The following ANKRD26 variants were observed in gnomAD, a reference collection of about 807,000 sequenced individuals.
ANKRD26 encodes ankyrin repeat domain-containing protein 26.
A neutral mutation model predicts 208.7 loss-of-function variants in ANKRD26; 141 were observed. The ratio of observed to expected loss-of-function variants is 0.68; its 90% confidence interval spans 0.59 to 0.78. The LOEUF is 0.78. Among genes scored for constraint, ANKRD26 ranks in the 30% least tolerant of loss-of-function variants. The pLI, the probability that ANKRD26 is intolerant of heterozygous loss-of-function variation, is 0.00. For missense variants in ANKRD26, 1,889 were observed against 1,938.7 expected (o/e 0.97, Z 0.48); for synonymous variants, 636 against 660.4 (o/e 0.96, Z 0.57).
chr10:27,039,257 G>C (rs1284460941), intron 21 of ANKRD26, among the ~76,000 whole-genome samples: 2 of 152,034 alleles, frequency 1.3e-5, no homozygotes, highest in Non-Finnish European at 2.9e-5. Flanking sequence ...TTCAAGACCA[G>C]CCTGGCCAAC....
At chr10:26,949,011 TA>T in the ANKRD26 span, among the ~76,000 whole-genome samples, 1 of 152,178 alleles carries the variant, frequency 6.6e-6, no homozygotes, top group South Asian at 2.1e-4. Context: ...AATGCATTAT[TA>T]AATACTGATC....
rs2055743444 is a variant in ANKRD26 at position 27,077,520 on chromosome 10, C to T, written c.895G>A (p.Val299Met). The change falls in exon 9 of 34, where the codon GTG becomes ATG. Residue 299 changes from valine to methionine, a missense_variant. By Grantham distance (21) the Val-to-Met change is conservative. Around this residue, in one of 3 missense-constraint regions of ANKRD26, gnomAD observed 1,272 missense variants for 1,273.8 expected, o/e 1.00. Transcript: ENST00000376087. ...RKNLEATYGT[V>M]RTGNRTLFED... ...AACAAAGTTCTATTTCCTGTTCTCACAGTGCCATATGTTGCTTCTACTACA... is the reference window on the plus strand; with the variant it reads ...AACAAAGTTCTATTTCCTGTTCTCATAGTGCCATATGTTGCTTCTACTACA... The T allele has an allele frequency of 6.2e-7, 1 of 1,613,962 alleles. No individual in the cohort carries two copies. The highest frequency in any genetic ancestry group is 8.5e-7 in the Non-Finnish European group (1 of 1,179,936).
intron 25 of ANKRD26, among the ~76,000 whole-genome samples, chr10:27,032,424 T>C (rs1198065446): frequency 6.6e-6 from 1 of 151,746 alleles, no homozygotes; most frequent in South Asian, 2.1e-4. Flanking sequence ...CACCTGAGGT[T>C]AGGAGTTTGA....
At chr10:26,987,804 G>A (rs893000549), downstream of ANKRD26, among the ~76,000 whole-genome samples, 3 of 152,102 alleles carry the variant, frequency 2.0e-5, no homozygotes, top group East Asian at 5.8e-4. Flanking sequence ...AAGAGAATGC[G>A]GTACATAAAT....
At chr10:26,956,763 G>A in the ANKRD26 span, among the ~76,000 whole-genome samples, 1 of 152,114 alleles carries the variant, frequency 6.6e-6, no homozygotes, top group Middle Eastern at 3.2e-3. Flanking sequence ...CTGGCTCACC[G>A]ATATGGAGGC....
At chr10:27,008,172 C>A (rs2052958300) in intron 32 of ANKRD26, among the ~76,000 whole-genome samples, 1 of 151,940 alleles carries the variant, frequency 6.6e-6, no homozygotes. Flanking sequence ...TGAAATAGTA[C>A]ACTATATAGT....
Position 27,039,973 on chromosome 10 carries a change from G to C in ANKRD26, c.2367C>G (p.Cys789Trp), listed in dbSNP as rs376238364. Residue 789 changes from cysteine (C) to tryptophan (W), a missense_variant, in exon 21 of 34, where the codon TGC becomes TGG. Cys to Trp is a radical substitution (Grantham distance 215). Coordinates refer to ENST00000376087, the MANE Select transcript of ANKRD26 (RefSeq NM_014915.3). ...HQKVEWEREL[C>W]SLRFSLNQEE... ...AAACTAGGCTATCATACCTCAAAGA[G>C]CACAGTTCTCGTTCCCATTCAACTT... The C allele has an allele frequency of 3.1e-6, 5 of 1,612,962 alleles. No individual in the cohort carries two copies. Among genetic ancestry groups the C allele is most frequent in the Non-Finnish European group, 4.2e-6 (5 of 1,179,450 alleles).
At chr10:26,969,420 A>G (rs1462489268), downstream of ANKRD26, among the ~76,000 whole-genome samples, 1 of 152,208 alleles carries the variant, frequency 6.6e-6, no homozygotes, top group Non-Finnish European at 1.5e-5. Flanking sequence ...AGCCACACAC[A>G]TCAAAACCAT....
At chr10:27,022,439 T>A in intron 29 of ANKRD26, 119 bp downstream of exon 29, 1 of 771,166 alleles carries the variant, frequency 1.3e-6, no homozygotes, top group Non-Finnish European at 2.0e-6. Context: ...GTTTTTTTAT[T>A]AGTATCAAGT....
the ANKRD26 span, among the ~76,000 whole-genome samples, chr10:26,966,733 C>A: frequency 1.3e-5 from 2 of 152,142 alleles, no homozygotes; most frequent in Non-Finnish European, 2.9e-5. Context: ...GATGAGCATG[C>A]AGAATCTATA....
chr10:27,082,662 A>C, intron 6 of ANKRD26, 141 bp downstream of exon 6: 1 of 1,249,202 alleles, frequency 8.0e-7, no homozygotes, highest in South Asian at 1.6e-5. Flanking sequence ...GGGTTGTAAT[A>C]TAGCACAGAT....
At chr10:27,025,657 AC>A (rs1334664761) in intron 27 of ANKRD26, among the ~76,000 whole-genome samples, 1 of 151,814 alleles carries the variant, frequency 6.6e-6, no homozygotes, top group Non-Finnish European at 1.5e-5. Flanking sequence ...CAGTGACCAT[AC>A]CCTCCCCTAG....
At chr10:26,958,612 C>T in the ANKRD26 span, among the ~76,000 whole-genome samples, 2 of 152,190 alleles carry the variant, frequency 1.3e-5, no homozygotes, top group Non-Finnish European at 2.9e-5. Context: ...TGGCTTCCAA[C>T]TCCATCCATG....
At chr10:26,949,324 AC>A in the ANKRD26 span, among the ~76,000 whole-genome samples, 3 of 152,064 alleles carry the variant, frequency 2.0e-5, no homozygotes, top group Non-Finnish European at 2.9e-5. Context: ...CATTTCCTCT[AC>A]AAATATTTGT....
chr10:27,081,502 C>T (rs1430678925), intron 6 of ANKRD26, among the ~76,000 whole-genome samples: 1 of 152,134 alleles, frequency 6.6e-6, no homozygotes, highest in Non-Finnish European at 1.5e-5. Context: ...AATAAATCCC[C>T]TTAATCTCTT....
downstream of ANKRD26, among the ~76,000 whole-genome samples, chr10:26,991,248 A>T (rs552451142): frequency 6.6e-5 from 10 of 152,246 alleles, no homozygotes; most frequent in East Asian, 1.9e-3. Flanking sequence ...GGCCACCTTC[A>T]TTCAGGAATC....
At chr10:27,032,888 G>A (rs553486963) in intron 25 of ANKRD26, among the ~76,000 whole-genome samples, 10 of 151,006 alleles carry the variant, frequency 6.6e-5, no homozygotes, top group Admixed American at 4.0e-4. Flanking sequence ...TGGCTAACAC[G>A]GTGAAACCTC....
chr10:26,996,224 A>G (rs1195672353), intron 4 of ANKRD26, among the ~76,000 whole-genome samples: 1 of 152,178 alleles, frequency 6.6e-6, no homozygotes, highest in African/African-American at 2.4e-5. Context: ...AGAAGAGAGA[A>G]TATCTTGAGA....
Position 27,017,442 on chromosome 10 carries a change from T to C in ANKRD26, c.4506+60A>G, listed in dbSNP as rs1005882261. ...GGATGTAGAGGAAACACATATAATGTATATATCCAAAATACAATTTGCAGT... is the reference window on the plus strand; with the variant it reads ...GGATGTAGAGGAAACACATATAATGCATATATCCAAAATACAATTTGCAGT... On this transcript the variant is annotated intron_variant, in intron 30 of 33. Transcript: ENST00000376087. 5.1e-6 allele frequency: 8 copies of C among 1,562,624 alleles called. No individual in the cohort carries two copies. In the African/African-American group the frequency reaches 1.1e-4, roughly 21 times the overall value.
Sources: allele counts gnomAD v4.1 joint callset (sites outside exome capture counted in the v4.1 genomes callset), GRCh38; gene constraint gnomAD v4.1.1; regional missense constraint gnomAD v4.1.1; transcripts MANE v1.5; gene names NCBI Gene and HGNC (gene_info 2026-07-23, HGNC 2026-07-21).